Variants in QSER1 observed in about 807,000 individuals in gnomAD.
QSER1 encodes glutamine and serine rich 1.
In QSER1, 49 loss-of-function variants were observed where a neutral mutation model predicts 158.5. The ratio of observed to expected loss-of-function variants is 0.31; its 90% CI spans 0.25 to 0.39. The LOEUF is 0.39. Among genes scored for constraint, QSER1 ranks in the 10% least tolerant of loss-of-function variants. The pLI, the probability that QSER1 is intolerant of heterozygous loss-of-function variation, is 1.00. For missense variants in QSER1, 1,754 were observed against 2,010.3 expected (o/e 0.87, Z 2.44); for synonymous variants, 650 against 715.5 (o/e 0.91, Z 1.46).
intron 1 of QSER1, among the ~76,000 whole-genome samples, chr11:32,900,737 C>T (rs1851614610): frequency 6.6e-6 from 1 of 152,162 alleles, no homozygotes; most frequent in African/African-American, 2.4e-5. Context: ...TTTGCACCGG[C>T]TATTCTCTTT....
intron 4 of QSER1, among the ~76,000 whole-genome samples, chr11:32,946,651 T>C (rs1051551345): frequency 4.6e-5 from 7 of 152,172 alleles, no homozygotes; most frequent in African/African-American, 1.7e-4. Context: ...GACAGGGACA[T>C]TTAAGTCTGC....
rs755889263 is a variant in QSER1, at chr11:32,958,066, C to G, written c.4949C>G (p.Thr1650Ser). 3.0e-5 allele frequency: 49 copies of G among 1,613,828 alleles called. No individual in the cohort carries two copies. The highest frequency in any genetic ancestry group is 4.0e-5 in the Non-Finnish European group (47 of 1,179,902). ...TCTGACTCATCTCCTGAGATCCATA[C>G]TAGTAGTAGTGACGATGAGGGTGAG... ...SQSDSSPEIH[T>S]SSSDDEEFEP... Residue 1650 changes from threonine (T) to serine (S), a missense_variant, in exon 8 of 13, where the codon ACT (threonine) becomes AGT (serine). Physicochemically the swap from Thr to Ser is moderately conservative, Grantham distance 58. Coordinates refer to ENST00000650167, the MANE Select transcript of QSER1 (RefSeq NM_001076786.3).
intron 8 of QSER1, among the ~76,000 whole-genome samples, chr11:32,962,284 A>G (rs1205707847): frequency 2.0e-5 from 3 of 152,046 alleles, no homozygotes; most frequent in African/African-American, 4.8e-5. Context: ...CATTTTTTCT[A>G]TGTCCTTATT....
intron 1 of QSER1, among the ~76,000 whole-genome samples, chr11:32,898,482 T>TCACA (rs71034630): frequency 0.015 from 2,131 of 142,988 alleles, 28 homozygotes; most frequent in East Asian, 0.029. Flanking sequence ...TGAGAACCTG[T>TCACA]CACACACACA....
chr11:32,923,836 C>T lies in QSER1; in HGVS notation c.210-3321C>T, dbSNP rs920485588. On this transcript the variant is annotated intron_variant, in intron 1 of 12. Coordinates refer to ENST00000650167, the MANE Select transcript of QSER1 (RefSeq NM_001076786.3). ...ATAAAAAATTAGCCGGGTGTGATGG[C>T]GGGTGCCTGTAGTCCCAGCTACTCA... Among the ~76,000 whole-genome samples, 4 of 148,604 alleles carry T rather than the reference C, an allele frequency of 2.7e-5. No homozygotes were observed. In the South Asian group the frequency reaches 6.4e-4, roughly 24 times the overall value.
At chr11:32,944,419 G>A (rs1363172191) in intron 4 of QSER1, among the ~76,000 whole-genome samples, 1 of 150,444 alleles carries the variant, frequency 6.6e-6, no homozygotes, top group Non-Finnish European at 1.5e-5. Context: ...GCATCCCAGA[G>A]ATTCTGGTAT....
chr11:32,935,387 A>T lies in QSER1; in HGVS notation c.4129A>T (p.Thr1377Ser). The change falls in exon 4 of 13, where the codon ACT (threonine) becomes TCT (serine). Residue 1377 changes from threonine (T) to serine (S), a missense_variant. Coordinates refer to ENST00000650167, the MANE Select transcript of QSER1 (RefSeq NM_001076786.3). ...YSQDAYKSVS[T>S]PLTTLDATSD... ...TCAAGATGCTTATAAAAGCGTCTCTACTCCCTTAACTACTTTGGATGCTAC... is the reference window on the plus strand; with the variant it reads ...TCAAGATGCTTATAAAAGCGTCTCTTCTCCCTTAACTACTTTGGATGCTAC... The T allele has an allele frequency of 6.4e-7, 1 of 1,569,970 alleles. No homozygotes were observed. Among genetic ancestry groups the T allele is most frequent in the East Asian group, 2.2e-5 (1 of 44,550 alleles).
At chr11:32,937,612 A>G (rs1852172242) in intron 4 of QSER1, among the ~76,000 whole-genome samples, 1 of 152,324 alleles carries the variant, frequency 6.6e-6, no homozygotes, top group African/African-American at 2.4e-5. Context: ...GCCAGTCTCT[A>G]TGCCAGTCCA....
intron 4 of QSER1, among the ~76,000 whole-genome samples, chr11:32,946,537 G>T (rs756780433): frequency 4.6e-5 from 7 of 152,250 alleles, no homozygotes; most frequent in Admixed American, 2.0e-4. Context: ...GTGCCTCCCA[G>T]TTAGGCTGCT....
intron 5 of QSER1, 24 bp downstream of exon 5, chr11:32,954,203 A>G (rs1364080294): frequency 2.5e-6 from 4 of 1,597,490 alleles, no homozygotes; most frequent in Non-Finnish European, 3.4e-6. Context: ...TCACCAGTGT[A>G]AAGGTCATAG....
At position 32,932,708 on chromosome 11, in the gene QSER1, A is replaced by T; in HGVS notation, c.1450A>T (p.Ile484Phe). 6.2e-7 allele frequency: 1 copy of T among 1,614,130 alleles called. No individual in the cohort carries two copies. Among genetic ancestry groups the T allele is most frequent in the Non-Finnish European group, 8.5e-7 (1 of 1,180,002 alleles). Reference protein sequence around the residue: ...GLVQPHNVPSIVHSQVYRSSK... With the variant: ...GLVQPHNVPSFVHSQVYRSSK... ...AGTACAGCCACATAATGTGCCATCT[A>T]TTGTTCATTCACAGGTTTATAGGTC... Residue 484 changes from isoleucine (I) to phenylalanine (F), a missense_variant, in exon 4 of 13, where the codon ATT becomes TTT. Physicochemically the swap from Ile to Phe is conservative, Grantham distance 21. Coordinates refer to ENST00000650167, the MANE Select transcript of QSER1 (RefSeq NM_001076786.3).
intron 8 of QSER1, among the ~76,000 whole-genome samples, chr11:32,962,424 C>CAGAT (rs1481118685): frequency 6.6e-5 from 10 of 152,098 alleles, no homozygotes; most frequent in Non-Finnish European, 1.5e-4. Context: ...AACCCTTAAT[C>CAGAT]AGATACATAA....
rs749487694 is a variant in QSER1 at position 32,933,538 on chromosome 11, A to G, written c.2280A>G (p.Lys760=). Reference sequence around the variant, plus strand: ...GGGTTGCTCTGCAAGCATCAAAAAAAGAAGAAAGTGTTGTTGGTTCAGTGA... The same window carrying G: ...GGGTTGCTCTGCAAGCATCAAAAAAGGAAGAAAGTGTTGTTGGTTCAGTGA... The part of the protein sequence containing the change: ...VIGVALQASK[K]EESVVGSVTQ... Residue 760 remains lysine, a synonymous_variant, in exon 4 of 13, where the codon AAA becomes AAG. Transcript: ENST00000650167. The G allele has an allele frequency of 8.1e-6, 13 of 1,613,456 alleles. 1 individual carries two copies. Among genetic ancestry groups the G allele is most frequent in the South Asian group, 7.7e-5 (7 of 90,872 alleles).
intron 1 of QSER1, among the ~76,000 whole-genome samples, chr11:32,915,368 G>T (rs1851818526): frequency 6.6e-6 from 1 of 152,122 alleles, no homozygotes; most frequent in African/African-American, 2.4e-5. Context: ...TTATGCTAGG[G>T]CTGGGAATAT....
At chr11:32,944,447 G>A (rs548314090) in intron 4 of QSER1, among the ~76,000 whole-genome samples, 3 of 151,182 alleles carry the variant, frequency 2.0e-5, no homozygotes, top group Non-Finnish European at 3.0e-5. Flanking sequence ...CTTTGTTCTC[G>A]TTGGTTTCAA....
intron 1 of QSER1, among the ~76,000 whole-genome samples, chr11:32,916,761 T>C (rs544537256): frequency 6.8e-6 from 1 of 147,600 alleles, no homozygotes; most frequent in African/African-American, 2.5e-5. Flanking sequence ...ATTGAAACAT[T>C]GTTATGTTGG....
Position 32,932,324 on chromosome 11 carries a change from A to G in QSER1, c.1066A>G (p.Thr356Ala). Residue 356 changes from threonine (T) to alanine (A), a missense_variant, in exon 4 of 13, where the codon ACA (threonine) becomes GCA (alanine). Thr to Ala is a moderately conservative substitution (Grantham distance 58). Coordinates refer to ENST00000650167, the MANE Select transcript of QSER1 (RefSeq NM_001076786.3). ...TTCAAGTGTAGTTAATTTTCAGGAAACAACCAGGCAGTCATCTTTATCCTG... is the reference window on the plus strand; with the variant it reads ...TTCAAGTGTAGTTAATTTTCAGGAAGCAACCAGGCAGTCATCTTTATCCTG... The part of the protein sequence containing the change: ...SNSSVVNFQE[T>A]TRQSSLSCSP... The G allele has an allele frequency of 1.2e-6, 2 of 1,613,202 alleles. No homozygotes were observed. Among genetic ancestry groups the G allele is most frequent in the Non-Finnish European group, 1.7e-6 (2 of 1,180,008 alleles).
intron 1 of QSER1, among the ~76,000 whole-genome samples, chr11:32,907,021 A>G (rs1481569567): frequency 6.6e-6 from 1 of 152,246 alleles, no homozygotes; most frequent in African/African-American, 2.4e-5. Flanking sequence ...TAGTACTTGA[A>G]GTCAATCTTC....
chr11:32,902,400 C>T (rs1851636856), intron 1 of QSER1, among the ~76,000 whole-genome samples: 1 of 152,178 alleles, frequency 6.6e-6, no homozygotes, highest in Admixed American at 6.6e-5. Context: ...ATTTGCATTT[C>T]TAACAAGTTT....
Sources: allele counts gnomAD v4.1 joint callset (sites outside exome capture counted in the v4.1 genomes callset), GRCh38; gene constraint gnomAD v4.1.1; transcripts MANE v1.5; gene names NCBI Gene and HGNC (gene_info 2026-07-23, HGNC 2026-07-21).